Variants in HTR1D observed in about 807,000 individuals in gnomAD.
HTR1D encodes the protein 5-hydroxytryptamine receptor 1D, also known as 5-HT-1D.
A neutral mutation model predicts 21.1 loss-of-function variants in HTR1D; 18 were observed. The ratio of observed to expected loss-of-function variants is 0.85; its 90% confidence interval spans 0.59 to 1.27. The LOEUF (loss-of-function observed/expected upper bound fraction) is 1.27, where lower values mean the gene tolerates loss of function less well. Among genes scored for constraint, HTR1D ranks in the 50% most tolerant of loss-of-function variants. The probability of loss-of-function intolerance (pLI) is 0.00; values close to 1 mark genes in which losing one functional copy is unlikely to be tolerated. For synonymous variants in HTR1D, 196 were observed against 204.4 expected, an observed-to-expected ratio of 0.96 and a Z score of 0.35; for missense variants, 456 against 481.4, an observed-to-expected ratio of 0.95 and a Z score of 0.49.
At chr1:23,205,630 G>A (rs1432680050) in intron 1 of HTR1D, among the ~76,000 whole-genome samples, 6 of 152,186 alleles carry the variant, frequency 3.9e-5, no homozygotes, top group African/African-American at 9.6e-5. Flanking sequence ...TGCAACTTCC[G>A]CCTCCCGGGT....
chr1:23,200,637 C>T (rs1378002736), intron 1 of HTR1D, among the ~76,000 whole-genome samples: 1 of 152,068 alleles, frequency 6.6e-6, no homozygotes, highest in African/African-American at 2.4e-5. Flanking sequence ...GCCTCCCAAA[C>T]TGTTGGGATT....
intron 1 of HTR1D, among the ~76,000 whole-genome samples, chr1:23,203,977 T>A (rs1300182240): frequency 6.6e-6 from 1 of 152,120 alleles, no homozygotes; most frequent in Non-Finnish European, 1.5e-5. Context: ...AGACCGTCTC[T>A]AGAAAAAAAT....
intron 1 of HTR1D, among the ~76,000 whole-genome samples, chr1:23,216,522 T>A (rs1644774100): frequency 6.6e-6 from 1 of 152,238 alleles, no homozygotes; most frequent in Non-Finnish European, 1.5e-5. Context: ...TTCCCAGACC[T>A]GGGGACTTTA....
intron 1 of HTR1D, among the ~76,000 whole-genome samples, chr1:23,197,281 A>C (rs965209358): frequency 6.6e-6 from 1 of 152,062 alleles, no homozygotes; most frequent in African/African-American, 2.4e-5. Flanking sequence ...CTTTGCAAGA[A>C]GTAACACAAT....
chr1:23,211,263 C>G (rs1304585060), intron 1 of HTR1D, among the ~76,000 whole-genome samples: 1 of 152,134 alleles, frequency 6.6e-6, no homozygotes, highest in Admixed American at 6.6e-5. Context: ...ATGAGCAATG[C>G]AGATGTGGAC....
chr1:23,214,295 T>C (rs1644765204), intron 1 of HTR1D, among the ~76,000 whole-genome samples: 1 of 151,974 alleles, frequency 6.6e-6, no homozygotes, highest in Non-Finnish European at 1.5e-5. Context: ...GGCATGATGG[T>C]GCGTGCCTGT....
At chr1:23,200,206 A>G (rs1644704577) in intron 1 of HTR1D, among the ~76,000 whole-genome samples, 1 of 152,204 alleles carries the variant, frequency 6.6e-6, no homozygotes. Context: ...CCTTGGTGAA[A>G]TGGGAACAAA....
At chr1:23,214,743 TG>T (rs1379105956) in intron 1 of HTR1D, among the ~76,000 whole-genome samples, 1 of 152,118 alleles carries the variant, frequency 6.6e-6, no homozygotes, top group Non-Finnish European at 1.5e-5. Flanking sequence ...ACCCTCCACC[TG>T]CCCCATGCCC....
chr1:23,198,529 G>T (rs987566431), intron 1 of HTR1D, among the ~76,000 whole-genome samples: 1 of 152,218 alleles, frequency 6.6e-6, no homozygotes, highest in Admixed American at 6.5e-5. Flanking sequence ...GCATGGCAGA[G>T]AAACTCTTCT....
chr1:23,193,059 G>C lies in HTR1D; in HGVS notation c.*27C>G, dbSNP rs1312755997. The C allele has an allele frequency of 6.7e-7, 1 of 1,493,056 alleles. No individual in the cohort carries two copies. The highest frequency in any genetic ancestry group is 1.3e-5 in the South Asian group (1 of 78,796). 92.5% of individuals were successfully genotyped at this position (1,493,056 alleles called of 1,614,324 possible). ...CCCGATGAGGTTACAGGACACAAAA[G>C]ATAACAAGAGTCATCACCGAATAAG... On this transcript the variant is annotated 3_prime_UTR_variant, in exon 2 of 2. Coordinates refer to ENST00000374619, the MANE Select transcript of HTR1D (RefSeq NM_000864.5).
chr1:23,211,112 T>C (rs1240768397), intron 1 of HTR1D, among the ~76,000 whole-genome samples: 1 of 152,244 alleles, frequency 6.6e-6, no homozygotes, highest in African/African-American at 2.4e-5. Flanking sequence ...TGGAGCTAGA[T>C]ACAGCTATGG....
intron 1 of HTR1D, among the ~76,000 whole-genome samples, chr1:23,214,941 T>C (rs1403562975): frequency 6.6e-6 from 1 of 151,496 alleles, no homozygotes; most frequent in Non-Finnish European, 1.5e-5. Flanking sequence ...CCAGAGAGAG[T>C]GTCTACTAGG....
At chr1:23,216,574 G>T (rs2148245846) in intron 1 of HTR1D, among the ~76,000 whole-genome samples, 1 of 152,288 alleles carries the variant, frequency 6.6e-6, no homozygotes, top group South Asian at 2.1e-4. Flanking sequence ...TGGGCAAGAC[G>T]GATTCCCCAC....
At chr1:23,199,731 G>A (rs1644703010) in intron 1 of HTR1D, among the ~76,000 whole-genome samples, 1 of 152,030 alleles carries the variant, frequency 6.6e-6, no homozygotes, top group Non-Finnish European at 1.5e-5. Flanking sequence ...CGGGGAAGGA[G>A]TCTTCCTCTG....
At chr1:23,211,819 C>G in intron 1 of HTR1D, among the ~76,000 whole-genome samples, 1 of 151,898 alleles carries the variant, frequency 6.6e-6, no homozygotes, top group East Asian at 1.9e-4. Context: ...ACCATCATGC[C>G]TGGCAAATTT....
intron 1 of HTR1D, among the ~76,000 whole-genome samples, chr1:23,213,806 A>T (rs1644763288): frequency 6.6e-6 from 1 of 152,138 alleles, no homozygotes; most frequent in African/African-American, 2.4e-5. Context: ...CAGTTTGCCC[A>T]CCTGGGCTTC....
intron 1 of HTR1D, among the ~76,000 whole-genome samples, chr1:23,203,324 G>A (rs940572706): frequency 2.2e-4 from 33 of 152,158 alleles, no homozygotes; most frequent in Admixed American, 5.2e-4. Context: ...GTCTTGAGGT[G>A]TAAGCAAATC....
chr1:23,209,496 G>T (rs1289656305), intron 1 of HTR1D, among the ~76,000 whole-genome samples: 4 of 151,720 alleles, frequency 2.6e-5, no homozygotes, highest in African/African-American at 9.7e-5. Flanking sequence ...TGGGACAGTA[G>T]GGGGGGAGGG....
chr1:23,216,247 TTGC>T (rs1232268317), intron 1 of HTR1D, among the ~76,000 whole-genome samples: 1 of 152,030 alleles, frequency 6.6e-6, no homozygotes, highest in African/African-American at 2.4e-5. Flanking sequence ...AGTGGAGGGG[TTGC>T]TGCTGCTGCT....
Sources: gnomAD v4.1 joint callset for allele counts (sites outside exome capture counted in the v4.1 genomes callset) on GRCh38, gnomAD v4.1.1 for gene constraint, MANE v1.5 for transcripts, NCBI Gene and HGNC (gene_info 2026-07-23, HGNC 2026-07-21) for gene names.